PUM3: variants seen among roughly 807,000 people sequenced by gnomAD.
PUM3 encodes pumilio RNA binding family member 3.
PUM3 carries 91 observed loss-of-function variants against 84.0 expected under a neutral mutation model. The observed-to-expected ratio is 1.08, with a 90% CI of 0.91 to 1.29. PUM3 has a LOEUF of 1.29. Ranked by LOEUF, PUM3 falls within the 50% of genes most tolerant of loss-of-function variation. The probability of loss-of-function intolerance (pLI) is 0.00; values close to 1 mark genes in which losing one functional copy is unlikely to be tolerated. For missense variants in PUM3, 1,067 were observed against 767.5 expected (o/e 1.39, Z -4.61); for synonymous variants, 321 against 266.7 (o/e 1.20, Z -1.98).
At chr9:2,827,527 T>C (rs1815856570) in intron 9 of PUM3, among the ~76,000 whole-genome samples, 1 of 152,246 alleles carries the variant, frequency 6.6e-6, no homozygotes. Flanking sequence ...GTTTTATTTC[T>C]GTTAACACCC....
chr9:2,833,929 A>G (rs1323863088), intron 4 of PUM3, 102 bp downstream of exon 4: 1 of 1,248,236 alleles, frequency 8.0e-7, no homozygotes, highest in Non-Finnish European at 1.1e-6. Context: ...CAATAACCCA[A>G]GTGCTATGTC....
In PUM3 at chr9:2,834,060, C is replaced by T. The variant is rs756714193; in HGVS notation, c.411G>A (p.Arg137=). 2.5e-6 allele frequency: 4 copies of T among 1,613,250 alleles called. No individual in the cohort carries two copies. The African/African-American group carries it at 4.0e-5, about 16-fold the overall frequency. ...TTAAAATCTCCCACATCTGCTTTGC[C>T]CGAACAACAATGTCATAGTTGGTTT... ...SDKTNYDIVV[R]AKQMWEILRR... is the part of the protein sequence containing the mutation. The change falls in exon 4 of 18, where the codon CGG becomes CGA. Residue 137 remains arginine (R), a synonymous_variant. Coordinates refer to ENST00000397885, the MANE Select transcript of PUM3 (RefSeq NM_014878.5).
chr9:2,810,277 T>C (rs1821338414), intron 16 of PUM3, 67 bp downstream of exon 16: 2 of 1,055,036 alleles, frequency 1.9e-6, no homozygotes, highest in Non-Finnish European at 3.0e-6. Context: ...GGTATAAAGT[T>C]CAGGGATGCC....
At chr9:2,824,313 C>CT (rs1815748144) in intron 11 of PUM3, among the ~76,000 whole-genome samples, 1 of 152,138 alleles carries the variant, frequency 6.6e-6, no homozygotes, top group African/African-American at 2.4e-5. Flanking sequence ...GGATCTTTAC[C>CT]TTTTCCCTCA....
intron 17 of PUM3, among the ~76,000 whole-genome samples, chr9:2,805,205 C>G (rs1242276499): frequency 6.6e-6 from 1 of 152,198 alleles, no homozygotes. Flanking sequence ...CAGAGCCTGA[C>G]ACTTAGTAAG....
chr9:2,809,337 A>C (rs1001620977), intron 16 of PUM3, among the ~76,000 whole-genome samples: 6 of 152,232 alleles, frequency 3.9e-5, no homozygotes, highest in Admixed American at 3.9e-4. Context: ...GAGAAAAACC[A>C]CTGGACATTA....
At position 2,829,842 on chromosome 9, in the gene PUM3, T is replaced by C. The variant is rs1180416464; in HGVS notation, c.784A>G (p.Lys262Glu). 1 of 1,614,198 alleles carries C rather than the reference T, an allele frequency of 6.2e-7. No individual in the cohort carries two copies. The highest frequency in any genetic ancestry group is 2.2e-5 in the East Asian group (1 of 44,868). ...ATGTTCCTCTGCTCCAAAATGGCTT[T>C]GTCATTGTATGCGTACTCCACGATG... ...SAIVEYAYND[K>E]AILEQRNMLT... The change falls in exon 8 of 18, where the codon AAA (lysine) becomes GAA (glutamate). Residue 262 changes from lysine (K) to glutamate (E), a missense_variant. Transcript: ENST00000397885.
chr9:2,831,009 A>T lies in PUM3; in HGVS notation c.630T>A (p.Ser210Arg). The change falls in exon 7 of 18, where the codon AGT (serine) becomes AGA (arginine). Residue 210 changes from serine to arginine, a missense_variant. Physicochemically the swap from Ser to Arg is moderately radical, Grantham distance 110. Transcript: ENST00000397885. ...CAATATTTCTCGAATATTTGGCTTT[A>T]CTTAACTCAACCAAATCATCTGAAA... ...EELRDDLVEL[S>R]KAKYSRNIVK... 6.7e-7 allele frequency: 1 copy of T among 1,491,790 alleles called. No individual in the cohort carries two copies. The highest frequency in any genetic ancestry group is 9.3e-7 in the Non-Finnish European group (1 of 1,074,828). 92.4% of individuals were successfully genotyped at this position (1,491,790 alleles called of 1,614,324 possible).
intron 10 of PUM3, 26 bp from the exon 11 acceptor site, chr9:2,824,841 A>G: frequency 2.1e-6 from 3 of 1,441,652 alleles, no homozygotes; most frequent in Non-Finnish European, 2.8e-6. Flanking sequence ...TGTCAGGAAC[A>G]GGGCTCTGCT....
intron 12 of PUM3, among the ~76,000 whole-genome samples, chr9:2,820,928 G>C (rs894382246): frequency 6.6e-6 from 1 of 152,140 alleles, no homozygotes; most frequent in African/African-American, 2.4e-5. Flanking sequence ...TGTTTCCAGA[G>C]CTTGTGGCAT....
chr9:2,813,912 T>C (rs185841368), intron 13 of PUM3, among the ~76,000 whole-genome samples: 5 of 152,354 alleles, frequency 3.3e-5, no homozygotes, highest in African/African-American at 1.2e-4. Flanking sequence ...ACTGATCATC[T>C]AACGTAATCT....
At chr9:2,816,342 A>G (rs1821469499) in intron 13 of PUM3, among the ~76,000 whole-genome samples, 1 of 152,170 alleles carries the variant, frequency 6.6e-6, no homozygotes, top group African/African-American at 2.4e-5. Flanking sequence ...TGTTTCCAAA[A>G]GTCTACCTTT....
intron 13 of PUM3, among the ~76,000 whole-genome samples, chr9:2,814,488 G>C (rs1821432871): frequency 6.6e-6 from 1 of 152,138 alleles, no homozygotes; most frequent in Non-Finnish European, 1.5e-5. Context: ...TGGGATTATA[G>C]GCATGAGCCA....
At position 2,804,357 on chromosome 9, in the gene PUM3, T is replaced by C; in HGVS notation, c.1921A>G (p.Ile641Val). The change falls in exon 18 of 18, where the codon ATT becomes GTT. Residue 641 changes from isoleucine (I) to valine (V), a missense_variant. Ile to Val is a conservative substitution (Grantham distance 29). Transcript: ENST00000397885. Reference protein sequence around the residue: ...KTKSTSKGIEILLEKLST With the variant: ...KTKSTSKGIEVLLEKLST ...TATGTGCTCAGTTTTTCAAGTAGAA[T>C]TTCTATTCCTTTGCTGGTGCTTTTG... The C allele has an allele frequency of 6.2e-7, 1 of 1,613,880 alleles. No homozygotes were observed. Among genetic ancestry groups the C allele is most frequent in the Non-Finnish European group, 8.5e-7 (1 of 1,179,956 alleles).
intron 17 of PUM3, among the ~76,000 whole-genome samples, chr9:2,805,691 T>C (rs923078422): frequency 1.3e-5 from 2 of 152,216 alleles, no homozygotes; most frequent in Admixed American, 6.5e-5. Flanking sequence ...TAGTAAGTTA[T>C]TGCTTACTGA....
intron 16 of PUM3, among the ~76,000 whole-genome samples, chr9:2,809,417 T>C (rs1821321060): frequency 6.6e-6 from 1 of 152,202 alleles, no homozygotes; most frequent in Non-Finnish European, 1.5e-5. Context: ...GATTATTCCA[T>C]ATGTTATTTT....
At chr9:2,816,897 T>A (rs1199791254) in intron 13 of PUM3, among the ~76,000 whole-genome samples, 1 of 152,252 alleles carries the variant, frequency 6.6e-6, no homozygotes, top group Non-Finnish European at 1.5e-5. Context: ...GATTTCAACT[T>A]GACATTTTGG....
At chr9:2,835,276 G>A (rs574043496) in intron 3 of PUM3, among the ~76,000 whole-genome samples, 1 of 152,226 alleles carries the variant, frequency 6.6e-6, no homozygotes, top group African/African-American at 2.4e-5. Flanking sequence ...AAATTAGCCG[G>A]GTGTGGTGGT....
In PUM3 at chr9:2,804,469, G is replaced by C. The variant is rs1474358966; in HGVS notation, c.1815-6C>G. 1 of 1,606,592 alleles carries C rather than the reference G, an allele frequency of 6.2e-7. No individual in the cohort carries two copies. On this transcript the variant is annotated splice_polypyrimidine_tract_variant and splice_region_variant and intron_variant, in intron 17 of 17. Coordinates refer to ENST00000397885, the MANE Select transcript of PUM3 (RefSeq NM_014878.5). Reference sequence around the variant, plus strand: ...GGTCACAACTCTGGAGGAGGCTGAAGAGAGGAAAAAAATTAAATTTCATAA... The same window carrying C: ...GGTCACAACTCTGGAGGAGGCTGAACAGAGGAAAAAAATTAAATTTCATAA...
Sources: gnomAD v4.1 joint callset for allele counts (sites outside exome capture counted in the v4.1 genomes callset) on GRCh38, gnomAD v4.1.1 for gene constraint, MANE v1.5 for transcripts, NCBI Gene and HGNC (gene_info 2026-07-23, HGNC 2026-07-21) for gene names.